The following NLK variants were observed in gnomAD, a reference collection of about 807,000 sequenced individuals.
NLK encodes the protein nemo like kinase, also known as serine/threonine-protein kinase NLK.
A neutral mutation model predicts 59.0 loss-of-function variants in NLK; 11 were observed. The observed-to-expected ratio is 0.19, with a 90% CI of 0.12 to 0.31. The LOEUF is 0.31. NLK is among the 10% of genes least tolerant of loss of function. The pLI is 1.00. For synonymous variants in NLK, 235 were observed against 235.9 expected, an observed-to-expected ratio of 1.00 and a Z score of 0.03; for missense variants, 410 against 661.1, an observed-to-expected ratio of 0.62 and a Z score of 4.16.
chr17:28,076,973 G>A (rs954381100), intron 1 of NLK, among the ~76,000 whole-genome samples: 2 of 150,814 alleles, frequency 1.3e-5, no homozygotes, highest in Admixed American at 6.6e-5. Context: ...ATTTAATGCT[G>A]TGTGTCATGC....
At chr17:28,153,343 A>G (rs762545993) in intron 3 of NLK, among the ~76,000 whole-genome samples, 2 of 152,100 alleles carry the variant, frequency 1.3e-5, no homozygotes, top group Non-Finnish European at 2.9e-5. Context: ...AAAATACCAT[A>G]AACTGGGTGG....
Position 28,163,584 on chromosome 17 carries a change from A to G in NLK, c.793A>G (p.Ile265Val), listed in dbSNP as rs147671384. 265 of 1,609,800 alleles carry G rather than the reference A, an allele frequency of 1.6e-4. No homozygotes were observed. In the Middle Eastern group the frequency reaches 1.7e-3, roughly 10 times the overall value. Reference sequence around the variant, plus strand: ...TTCAGCTGGCATTTTACATCGAGACATTAAGCCAGGGAATCTCCTTGTGAA... The same window carrying G: ...TTCAGCTGGCATTTTACATCGAGACGTTAAGCCAGGGAATCTCCTTGTGAA... ...LHSAGILHRD[I>V]KPGNLLVNSN... The change falls in exon 5 of 11, where the codon ATT becomes GTT. Residue 265 changes from isoleucine (I) to valine (V), a missense_variant. Transcript: ENST00000407008.
At chr17:28,060,594 A>G (rs1412291864) in intron 1 of NLK, among the ~76,000 whole-genome samples, 1 of 152,162 alleles carries the variant, frequency 6.6e-6, no homozygotes, top group South Asian at 2.1e-4. Context: ...AAAATCAACA[A>G]GAAATACACT....
At chr17:28,043,457 G>A (rs1380443934) in intron 1 of NLK, 126 bp downstream of exon 1, 3 of 811,860 alleles carry the variant, frequency 3.7e-6, no homozygotes, top group Non-Finnish European at 5.8e-6. Flanking sequence ...CCAACTGTAG[G>A]AAGCCACCCT....
intron 6 of NLK, among the ~76,000 whole-genome samples, chr17:28,169,375 T>C (rs1334668873): frequency 1.4e-4 from 21 of 152,210 alleles, no homozygotes. Context: ...GTTGATTTCT[T>C]GAAATCTGAA....
intron 1 of NLK, among the ~76,000 whole-genome samples, chr17:28,094,725 T>C (rs1007326739): frequency 6.6e-6 from 1 of 151,922 alleles, no homozygotes; most frequent in African/African-American, 2.4e-5. Context: ...TAAAGGGAGG[T>C]ATAAGAGTTG....
chr17:28,149,931 C>T (rs373198727), intron 3 of NLK, among the ~76,000 whole-genome samples: 1 of 152,190 alleles, frequency 6.6e-6, no homozygotes, highest in South Asian at 2.1e-4. Context: ...TTATGTAATA[C>T]AATACTGATT....
chr17:28,112,700 T>G (rs1249671557), intron 1 of NLK, among the ~76,000 whole-genome samples: 1 of 152,206 alleles, frequency 6.6e-6, no homozygotes, highest in Non-Finnish European at 1.5e-5. Flanking sequence ...ACAGGCTAAT[T>G]GAAAACCTGA....
At chr17:28,198,417 A>C (rs1484499008), downstream of NLK, among the ~76,000 whole-genome samples, 1 of 152,104 alleles carries the variant, frequency 6.6e-6, no homozygotes, top group Non-Finnish European at 1.5e-5. Flanking sequence ...TCCGCCTCCC[A>C]GGCTCAAGCG....
intron 1 of NLK, among the ~76,000 whole-genome samples, chr17:28,060,865 G>A (rs970401196): frequency 1.3e-5 from 2 of 152,100 alleles, no homozygotes; most frequent in African/African-American, 4.8e-5. Context: ...GAATGCACAC[G>A]CTCTTTGGAG....
In NLK at chr17:28,073,519, A is replaced by G. The variant is rs35570753; in HGVS notation, c.458+30188A>G. On this transcript the variant is annotated intron_variant, in intron 1 of 10. Coordinates refer to ENST00000407008, the MANE Select transcript of NLK (RefSeq NM_016231.5). ...CTTTGCTTCCCTCTCAAGGTTAACC[A>G]TGTATTTTATCCAGCATCTTTAGAT... Among the ~76,000 whole-genome samples, 979 of 152,268 alleles carry G rather than the reference A, an allele frequency of 6.4e-3. 7 individuals are homozygous for G. The highest frequency in any genetic ancestry group is 0.023 in the African/African-American group (956 of 41,556).
chr17:28,152,492 T>TA (rs1481077206), intron 3 of NLK, among the ~76,000 whole-genome samples: 2 of 152,170 alleles, frequency 1.3e-5, no homozygotes, highest in East Asian at 3.8e-4. Flanking sequence ...GCCAATTTTG[T>TA]AGATATGTGA....
intron 1 of NLK, among the ~76,000 whole-genome samples, chr17:28,073,066 C>G (rs1037517639): frequency 2.0e-5 from 3 of 151,628 alleles, no homozygotes. Context: ...GTAGTACCAC[C>G]TACTTTTAAG....
chr17:28,150,181 T>C (rs781753041), intron 3 of NLK, among the ~76,000 whole-genome samples: 9 of 152,228 alleles, frequency 5.9e-5, no homozygotes, highest in African/African-American at 1.4e-4. Flanking sequence ...GTAGGTGTTA[T>C]GAGGATTAAA....
chr17:28,100,018 T>G (rs1462142106), intron 1 of NLK, among the ~76,000 whole-genome samples: 1 of 152,266 alleles, frequency 6.6e-6, no homozygotes, highest in African/African-American at 2.4e-5. Flanking sequence ...GATTAGCATC[T>G]GGATTGTGCC....
At chr17:28,112,393 T>C (rs1905562731) in intron 1 of NLK, among the ~76,000 whole-genome samples, 2 of 152,158 alleles carry the variant, frequency 1.3e-5, no homozygotes, top group Non-Finnish European at 2.9e-5. Context: ...CAGGAACTAT[T>C]AGATGTACTG....
rs1909460227 is a variant in NLK at position 28,195,623 on chromosome 17, G to A, written c.*987G>A. 6.6e-6 allele frequency: 1 copy of A among 152,572 alleles called. No individual in the cohort carries two copies. The highest frequency in any genetic ancestry group is 1.5e-5 in the Non-Finnish European group (1 of 68,036). 9.5% of individuals were successfully genotyped at this position (152,572 alleles called of 1,614,324 possible). On this transcript the variant is annotated 3_prime_UTR_variant, in exon 11 of 11. Coordinates refer to ENST00000407008, the MANE Select transcript of NLK (RefSeq NM_016231.5). ...TATGTCAAATGTGTTTGTGTCCTTA[G>A]GCAAAGCTGTGGGAGTCTTGAAATG... is the stretch of plus-strand genomic sequence containing the variant.
intron 2 of NLK, among the ~76,000 whole-genome samples, chr17:28,130,401 G>A (rs138025859): frequency 7.2e-5 from 11 of 152,224 alleles, no homozygotes; most frequent in Non-Finnish European, 1.3e-4. Context: ...AGTAGAAAGA[G>A]CAGGAGGATA....
chr17:28,152,029 G>A (rs183150814), intron 3 of NLK, among the ~76,000 whole-genome samples: 38 of 152,292 alleles, frequency 2.5e-4, no homozygotes, highest in African/African-American at 8.9e-4. Context: ...TTTGCTCTGT[G>A]TTAGTTGAAT....
Sources: gnomAD v4.1 joint callset for allele counts (sites outside exome capture counted in the v4.1 genomes callset) on GRCh38, gnomAD v4.1.1 for gene constraint, MANE v1.5 for transcripts, NCBI Gene and HGNC (gene_info 2026-07-23, HGNC 2026-07-21) for gene names.